DNAH11: variants seen among roughly 807,000 people sequenced by gnomAD.
DNAH11 encodes the protein axonemal beta dynein heavy chain 11.
DNAH11 carries 442 observed loss-of-function variants against 526.0 expected under a neutral mutation model. That is an observed-to-expected ratio of 0.84 (90% CI 0.78 to 0.91). The LOEUF is 0.91. Among genes scored for constraint, DNAH11 ranks in the 40% least tolerant of loss-of-function variants. The pLI is 0.00. For missense variants in DNAH11, 6,989 were observed against 5,448.7 expected (o/e 1.28, Z -8.90); for synonymous variants, 2,461 against 1,935.9 (o/e 1.27, Z -7.12).
intron 58 of DNAH11, 81 bp from the exon 59 acceptor site, chr7:21,786,543 G>C: frequency 6.7e-7 from 1 of 1,494,630 alleles, no homozygotes; most frequent in Non-Finnish European, 9.0e-7. Flanking sequence ...GTCCACTAAA[G>C]CCTTGCTTGG....
chr7:21,623,275 A>C (rs1786167617), intron 25 of DNAH11, among the ~76,000 whole-genome samples: 1 of 151,844 alleles, frequency 6.6e-6, no homozygotes, highest in Admixed American at 6.6e-5. Context: ...ATACCATCTC[A>C]CACCAGTTAG....
chr7:21,899,932 T>C, intron 80 of DNAH11, 48 bp from the exon 81 acceptor site: 2 of 1,600,658 alleles, frequency 1.2e-6, no homozygotes, highest in Non-Finnish European at 1.7e-6. Context: ...CCCGGGAACC[T>C]TACATGCAAC....
chr7:21,581,944 CTG>C lies in DNAH11; in HGVS notation c.1634_1635del (p.Leu545ArgfsTer3), dbSNP rs750497733. 6.2e-7 allele frequency: 1 copy of C among 1,612,968 alleles called. No homozygotes were observed. Among genetic ancestry groups the C allele is most frequent in the Non-Finnish European group, 8.5e-7 (1 of 1,179,300 alleles). On this transcript the variant is annotated frameshift_variant, in exon 9 of 82. Transcript: ENST00000409508. LOFTEE classifies it high-confidence loss of function. ...SDYVAFKSKTLEFDRRLGTII... is the reference protein window; with the variant it reads ...SDYVAFKSKTXEFDRRLGTII... Reference sequence around the variant, plus strand: ...TTATGTGGCATTTAAGTCCAAAACTCTGGAATTTGACAGAAGGCTTGGGACAA... The same window carrying C: ...TTATGTGGCATTTAAGTCCAAAACTCGAATTTGACAGAAGGCTTGGGACAA...
chr7:21,554,023 C>G (rs1247390455), intron 2 of DNAH11, among the ~76,000 whole-genome samples: 3 of 152,058 alleles, frequency 2.0e-5, no homozygotes, highest in African/African-American at 7.2e-5. Flanking sequence ...AGTCTCTGAC[C>G]CTGTGCAGGA....
At chr7:21,799,486 C>T (rs576775154) in intron 61 of DNAH11, among the ~76,000 whole-genome samples, 12 of 151,906 alleles carry the variant, frequency 7.9e-5, no homozygotes, top group South Asian at 2.1e-4. Flanking sequence ...TACAGGCACC[C>T]GCCACCACGC....
rs771124478 is a variant in DNAH11 at position 21,741,981 on chromosome 7, A to G, written c.7969A>G (p.Ile2657Val). ...NFPSLDALNT[I>V]YGQIFSFHFQ... ...TCCATCTTTGGATGCACTAAACACC[A>G]TCTATGGCCAAATCTTTAGCTTCCA... The change falls in exon 49 of 82, where the codon ATC (isoleucine) becomes GTC (valine). Residue 2657 changes from isoleucine (I) to valine (V), a missense_variant. By Grantham distance (29) the Ile-to-Val change is conservative (BLOSUM62 3). Coordinates refer to ENST00000409508, the MANE Select transcript of DNAH11 (RefSeq NM_001277115.2). 1 of 1,613,972 alleles carries G rather than the reference A, an allele frequency of 6.2e-7. No homozygotes were observed. Among genetic ancestry groups the G allele is most frequent in the Non-Finnish European group, 8.5e-7 (1 of 1,179,868 alleles).
At chr7:21,544,830 G>T (rs1583469022) in intron 1 of DNAH11, among the ~76,000 whole-genome samples, 176 bp from the exon 2 acceptor site, 1 of 152,042 alleles carries the variant, frequency 6.6e-6, no homozygotes, top group Admixed American at 6.6e-5. Context: ...AAAGAACAAA[G>T]AAAACTGTAT....
Position 21,702,778 on chromosome 7 carries a change from A to C in DNAH11, c.6249A>C (p.Gly2083=). The part of the protein sequence containing the change: ...VLVVAGSLKR[G]DKNRPEDQVL... ...TTGTGGCTGGATCTCTGAAACGAGG[A>C]GATAAAAATAGACCCGAAGATCAGG... is the stretch of plus-strand genomic sequence containing the variant. The change falls in exon 37 of 82, where the codon GGA becomes GGC. Residue 2083 remains glycine (G), a synonymous_variant. Coordinates refer to ENST00000409508, the MANE Select transcript of DNAH11 (RefSeq NM_001277115.2). 1 of 1,613,350 alleles carries C rather than the reference A, an allele frequency of 6.2e-7. No homozygotes were observed. Among genetic ancestry groups the C allele is most frequent in the African/African-American group, 1.3e-5 (1 of 75,002 alleles).
chr7:21,711,354 G>C (rs936236243), intron 41 of DNAH11, among the ~76,000 whole-genome samples: 2 of 152,182 alleles, frequency 1.3e-5, no homozygotes, highest in Admixed American at 6.5e-5. Context: ...CTTTATACTT[G>C]TGTAAGTTTC....
chr7:21,642,529 C>T (rs1787176481), intron 28 of DNAH11, among the ~76,000 whole-genome samples: 1 of 152,160 alleles, frequency 6.6e-6, no homozygotes, highest in Non-Finnish European at 1.5e-5. Flanking sequence ...CAGACTTAGT[C>T]TTTCCGTCCA....
chr7:21,676,776 C>A (rs1445683947), intron 30 of DNAH11, among the ~76,000 whole-genome samples: 2 of 152,156 alleles, frequency 1.3e-5, no homozygotes, highest in African/African-American at 4.8e-5. Flanking sequence ...TTATTTTAAA[C>A]CAAATACTGG....
chr7:21,568,681 A>T (rs1197636494), intron 6 of DNAH11, among the ~76,000 whole-genome samples: 3 of 152,216 alleles, frequency 2.0e-5, no homozygotes, highest in Non-Finnish European at 2.9e-5. Context: ...CAGGAAGCAC[A>T]GGAATAAACA....
intron 74 of DNAH11, among the ~76,000 whole-genome samples, chr7:21,879,089 C>T (rs990997088): frequency 2.0e-5 from 3 of 152,224 alleles, no homozygotes; most frequent in Admixed American, 6.5e-5. Context: ...AATTTTATGG[C>T]TGTTGGGCCA....
intron 23 of DNAH11, among the ~76,000 whole-genome samples, chr7:21,618,852 A>T (rs990109519): frequency 1.3e-5 from 2 of 152,190 alleles, no homozygotes; most frequent in African/African-American, 4.8e-5. Flanking sequence ...CAAGGGAAAG[A>T]TGTGAAACAA....
rs771752291 is a variant in DNAH11, at chr7:21,884,272, T to A, written c.12388-19T>A. The A allele has an allele frequency of 6.3e-7, 1 of 1,592,588 alleles. No homozygotes were observed. The stretch of plus-strand genomic sequence containing the variant: ...GACTCTGCACCCAGCAGTGAATATT[T>A]GTGTGGTTTTCTCCACAGGTCCCAT... On this transcript the variant is annotated intron_variant, in intron 75 of 81. Coordinates refer to ENST00000409508, the MANE Select transcript of DNAH11 (RefSeq NM_001277115.2).
Position 21,620,012 on chromosome 7 carries a change from C to T in DNAH11, c.4434C>T (p.His1478=), listed in dbSNP as rs139082783. 1.0e-4 allele frequency: 168 copies of T among 1,610,050 alleles called. No individual in the cohort carries two copies. In the African/African-American group the frequency reaches 1.9e-3, roughly 19 times the overall value. Residue 1478 remains histidine, a synonymous_variant, in exon 25 of 82, where the codon CAC becomes CAT. Coordinates refer to ENST00000409508, the MANE Select transcript of DNAH11 (RefSeq NM_001277115.2). ...WATMKFSYEV[H]YRTGIPLLKS... ...CCATGAAGTTTTCTTACGAAGTTCA[C>T]TATCGAACAGGCATTCCATTACTAA...
intron 55 of DNAH11, among the ~76,000 whole-genome samples, chr7:21,769,780 G>A (rs527286519): frequency 2.7e-4 from 41 of 152,090 alleles, no homozygotes; most frequent in East Asian, 2.5e-3. Context: ...CACTGCATCC[G>A]GCCTGGATTT....
chr7:21,797,332 G>T (rs970166987), intron 61 of DNAH11, among the ~76,000 whole-genome samples: 3 of 148,388 alleles, frequency 2.0e-5, no homozygotes, highest in Non-Finnish European at 4.4e-5. Flanking sequence ...CAGTTCTCCT[G>T]CCTCAGCCTC....
rs1784392153 is a variant in DNAH11, at chr7:21,583,739, A to C, written c.1710+1718A>C. Among the ~76,000 whole-genome samples the C allele has an allele frequency of 1.3e-5, 2 of 152,234 alleles. 1 individual carries two copies. Among genetic ancestry groups the C allele is most frequent in the Admixed American group, 1.3e-4 (2 of 15,286 alleles). On this transcript the variant is annotated intron_variant, in intron 9 of 81. Coordinates refer to ENST00000409508, the MANE Select transcript of DNAH11 (RefSeq NM_001277115.2). ...AAGGAACTTAAACAAATTTACAAGA[A>C]AAAAACAACCCCATCAAAAAGTGGG...
Sources: gnomAD v4.1 joint callset for allele counts (sites outside exome capture counted in the v4.1 genomes callset) on GRCh38, gnomAD v4.1.1 for gene constraint, MANE v1.5 for transcripts, NCBI Gene and HGNC (gene_info 2026-07-23, HGNC 2026-07-21) for gene names.